Variants in LTBP1 observed in about 807,000 individuals in gnomAD.
The protein encoded by LTBP1 is latent transforming growth factor beta binding protein 1.
In LTBP1, 129 loss-of-function variants were observed where a neutral mutation model predicts 207.6. The ratio of observed to expected loss-of-function variants is 0.62; its 90% CI spans 0.54 to 0.72. The LOEUF (loss-of-function observed/expected upper bound fraction) is 0.72. Among genes scored for constraint, LTBP1 ranks in the 30% least tolerant of loss-of-function variants. The pLI is 0.00. For missense variants in LTBP1, 2,281 were observed against 2,217.2 expected, an observed-to-expected ratio of 1.03 and a Z score of -0.58; for synonymous variants, 963 against 833.7, an observed-to-expected ratio of 1.16 and a Z score of -2.67.
chr2:32,991,273 G>T (rs1344249854), intron 2 of LTBP1, among the ~76,000 whole-genome samples: 1 of 152,138 alleles, frequency 6.6e-6, no homozygotes, highest in Non-Finnish European at 1.5e-5. Flanking sequence ...GATCTTAGGT[G>T]GCCAGAATTG....
intron 5 of LTBP1, among the ~76,000 whole-genome samples, chr2:33,157,123 A>T (rs571136752): frequency 1.3e-4 from 20 of 152,212 alleles, no homozygotes; most frequent in Non-Finnish European, 1.0e-4. Flanking sequence ...TGGCCTTGGA[A>T]ATTTAATATC....
chr2:33,160,157 G>A (rs1241427515), intron 5 of LTBP1, among the ~76,000 whole-genome samples: 1 of 152,180 alleles, frequency 6.6e-6, no homozygotes, highest in Admixed American at 6.5e-5. Context: ...AGGATAACAG[G>A]TATGAGCCAC....
At chr2:33,174,658 T>C (rs1404075025) in intron 5 of LTBP1, among the ~76,000 whole-genome samples, 2 of 152,162 alleles carry the variant, frequency 1.3e-5, no homozygotes, top group South Asian at 4.2e-4. Flanking sequence ...AAAAACTACT[T>C]TAAAGTTCAT....
intron 24 of LTBP1, among the ~76,000 whole-genome samples, chr2:33,332,146 T>C (rs1481087300): frequency 6.6e-6 from 1 of 151,564 alleles, no homozygotes; most frequent in Non-Finnish European, 1.5e-5. Flanking sequence ...CCTGTTAGGG[T>C]GGAATATATA....
chr2:33,352,457 G>A (rs1039242022), intron 26 of LTBP1, among the ~76,000 whole-genome samples: 14 of 152,000 alleles, frequency 9.2e-5, no homozygotes, highest in Non-Finnish European at 1.8e-4. Context: ...GCTAGACATC[G>A]ATACTAGAAA....
intron 8 of LTBP1, among the ~76,000 whole-genome samples, chr2:33,220,248 G>A (rs977329262): frequency 1.3e-5 from 2 of 152,114 alleles, no homozygotes; most frequent in African/African-American, 4.8e-5. Context: ...TCCTTTCCTT[G>A]GTTGGGACTC....
At chr2:33,267,671 A>AG (rs1573522604) in intron 15 of LTBP1, among the ~76,000 whole-genome samples, 1 of 152,332 alleles carries the variant, frequency 6.6e-6, no homozygotes, top group East Asian at 1.9e-4. Flanking sequence ...ACTGCATTTC[A>AG]ATTTTTTCAA....
chr2:33,149,220 C>CAAAAA (rs1199273167), intron 5 of LTBP1, among the ~76,000 whole-genome samples: 3 of 15,162 alleles, frequency 2.0e-4, no homozygotes, highest in Non-Finnish European at 2.7e-4. Flanking sequence ...GTCTCACTCA[C>CAAAAA]AAAAAAACAA....
intron 5 of LTBP1, among the ~76,000 whole-genome samples, chr2:33,155,599 A>G (rs1190811443): frequency 6.6e-6 from 1 of 151,680 alleles, no homozygotes; most frequent in African/African-American, 2.4e-5. Flanking sequence ...TCAAGTAGCA[A>G]CCCCCCATCT....
At chr2:33,007,988 C>A (rs2045106) in intron 2 of LTBP1, among the ~76,000 whole-genome samples, 1 of 152,096 alleles carries the variant, frequency 6.6e-6, no homozygotes, top group Non-Finnish European at 1.5e-5. Context: ...TGGCTTTAGC[C>A]ACTATATGAC....
intron 3 of LTBP1, among the ~76,000 whole-genome samples, chr2:33,059,585 T>G (rs2077168763): frequency 1.3e-5 from 2 of 152,192 alleles, no homozygotes; most frequent in Admixed American, 1.3e-4. Context: ...GTGTTAGCCT[T>G]TGGATTTGAG....
At chr2:33,274,433 T>C (rs2093383949) in intron 16 of LTBP1, among the ~76,000 whole-genome samples, 1 of 152,106 alleles carries the variant, frequency 6.6e-6, no homozygotes. Context: ...CTTTAGTATA[T>C]GTGAATTTTG....
chr2:33,191,539 T>A lies in LTBP1; in HGVS notation c.1701+2688T>A, dbSNP rs145682736. On this transcript the variant is annotated intron_variant, in intron 7 of 33. Transcript: ENST00000404816. ...GGATGCTAAAGACTGCCCAATTAAT[T>A]TGTGCAATTAGGGTGAACCAGGCAT... 4.2e-3 allele frequency among the ~76,000 whole-genome samples: 644 copies of A among 152,332 alleles called. 5 individuals are homozygous for A. Among genetic ancestry groups the A allele is most frequent in the African/African-American group, 0.014 (591 of 41,584 alleles).
intron 32 of LTBP1, among the ~76,000 whole-genome samples, chr2:33,391,680 G>A (rs988666986): frequency 6.6e-6 from 1 of 152,160 alleles, no homozygotes; most frequent in African/African-American, 2.4e-5. Flanking sequence ...AGGCACTGAT[G>A]GGTCCTGAGA....
intron 23 of LTBP1, among the ~76,000 whole-genome samples, chr2:33,311,846 T>G (rs28550723): frequency 0.017 from 2,602 of 152,244 alleles, 83 homozygotes; most frequent in African/African-American, 0.058. Context: ...ACATAGAGAG[T>G]TTTATTGACT....
intron 5 of LTBP1, among the ~76,000 whole-genome samples, chr2:33,149,656 G>T (rs143766826): frequency 5.3e-5 from 8 of 152,310 alleles, no homozygotes; most frequent in Non-Finnish European, 1.2e-4. Context: ...GGTTTGGGAT[G>T]TGATGGGCCT....
chr2:33,359,608 A>G (rs535395246), intron 26 of LTBP1, among the ~76,000 whole-genome samples: 28 of 152,346 alleles, frequency 1.8e-4, no homozygotes, highest in African/African-American at 6.3e-4. Flanking sequence ...ATATTTCATT[A>G]GAATTAATCT....
intron 3 of LTBP1, among the ~76,000 whole-genome samples, chr2:33,047,054 C>CA (rs2076484554): frequency 6.6e-6 from 1 of 151,778 alleles, no homozygotes; most frequent in African/African-American, 2.4e-5. Context: ...TAATCTTTTC[C>CA]AAAAACCAGC....
chr2:33,252,991 C>G, intron 11 of LTBP1, 147 bp downstream of exon 11: 1 of 597,844 alleles, frequency 1.7e-6, no homozygotes, highest in Non-Finnish European at 2.6e-6. Context: ...AGAAACTGTA[C>G]ACATACAATG....
Sources: allele counts gnomAD v4.1 joint callset (sites outside exome capture counted in the v4.1 genomes callset), GRCh38; gene constraint gnomAD v4.1.1; transcripts MANE v1.5; gene names NCBI Gene and HGNC (gene_info 2026-07-23, HGNC 2026-07-21).